The following FOXK1 variants were observed in gnomAD, a reference collection of about 807,000 sequenced individuals.
FOXK1 encodes the protein forkhead box protein K1.
Under a neutral mutation model 51.9 loss-of-function variants are expected in FOXK1, and 19 were observed. The observed-to-expected ratio is 0.37, with a 90% CI of 0.26 to 0.54. The LOEUF (loss-of-function observed/expected upper bound fraction) is 0.54, where lower values mean the gene tolerates loss of function less well. FOXK1 is among the 20% of genes least tolerant of loss of function. The pLI is 0.87. For missense variants in FOXK1, 870 were observed against 1,032.7 expected, an observed-to-expected ratio of 0.84 and a Z score of 2.16; for synonymous variants, 537 against 482.6, an observed-to-expected ratio of 1.11 and a Z score of -1.48.
chr7:4,752,838 G>A (rs923618165), intron 2 of FOXK1, among the ~76,000 whole-genome samples: 2 of 152,238 alleles, frequency 1.3e-5, no homozygotes, highest in Non-Finnish European at 2.9e-5. Context: ...GCCTCAGCAG[G>A]GAGGTGTTTG....
chr7:4,716,530 C>G (rs932381095), intron 1 of FOXK1, among the ~76,000 whole-genome samples: 1 of 152,138 alleles, frequency 6.6e-6, no homozygotes, highest in Non-Finnish European at 1.5e-5. Context: ...AAAAGAAATA[C>G]AAACCAGCAG....
chr7:4,760,993 C>A, intron 7 of FOXK1, 71 bp from the exon 8 acceptor site: 1 of 1,458,374 alleles, frequency 6.9e-7, no homozygotes, highest in Non-Finnish European at 9.5e-7. Flanking sequence ...GTCCGACCTG[C>A]TGCCCAGGCG....
chr7:4,769,352 C>G lies in FOXK1; in HGVS notation c.*6888C>G, dbSNP rs897005270. ...CCATCCCGCTTCAGGCCCCAGTGAC[C>G]CAGTTGCGTCTTAAGTTCCATCGTC... is the stretch of plus-strand genomic sequence containing the variant. On this transcript the variant is annotated 3_prime_UTR_variant, in exon 9 of 9. Transcript: ENST00000328914. The surrounding 1 kb of genome is among the most constrained non-coding windows in gnomAD (Gnocchi z 4.1). 1 of 152,218 alleles carries G rather than the reference C, an allele frequency of 6.6e-6. No individual in the cohort carries two copies. The highest frequency in any genetic ancestry group is 2.4e-5 in the African/African-American group (1 of 41,444). The allele number at this position is 152,218 out of a possible 1,614,324, so 9.4% of individuals were successfully genotyped here.
In FOXK1 at chr7:4,754,569, C is replaced by G; in HGVS notation, c.857C>G (p.Ala286Gly). The change falls in exon 3 of 9, where the codon GCC becomes GGC. Residue 286 changes from alanine to glycine, a missense_variant. Transcript: ENST00000328914. ...CTGGCAGCAGAGTTTGCAGCAAAGGCCGCGTCGGAGCAGCAGGCAGACACG... is the reference window on the plus strand; with the variant it reads ...CTGGCAGCAGAGTTTGCAGCAAAGGGCGCGTCGGAGCAGCAGGCAGACACG... The part of the protein sequence containing the change: ...LQLAAEFAAK[A>G]ASEQQADTSG... The G allele has an allele frequency of 6.2e-7, 1 of 1,609,192 alleles. No homozygotes were observed. The highest frequency in any genetic ancestry group is 8.5e-7 in the Non-Finnish European group (1 of 1,180,020).
At chr7:4,689,502 T>C (rs1779866210) in intron 1 of FOXK1, among the ~76,000 whole-genome samples, 1 of 152,190 alleles carries the variant, frequency 6.6e-6, no homozygotes, top group African/African-American at 2.4e-5. Flanking sequence ...TTCATGAGCA[T>C]GACAATTGGG....
At chr7:4,697,868 A>G (rs1779973674) in intron 1 of FOXK1, among the ~76,000 whole-genome samples, 1 of 151,646 alleles carries the variant, frequency 6.6e-6, no homozygotes, top group Admixed American at 6.6e-5. Context: ...TCTGTCATCC[A>G]GACTGGAGTG....
intron 2 of FOXK1, among the ~76,000 whole-genome samples, chr7:4,744,556 A>T (rs1780676610): frequency 6.6e-6 from 1 of 152,256 alleles, no homozygotes; most frequent in Non-Finnish European, 1.5e-5. Flanking sequence ...CTCCAGCTCC[A>T]TCGCGTTGCT....
intron 1 of FOXK1, among the ~76,000 whole-genome samples, chr7:4,685,772 G>A (rs189467129): frequency 6.6e-6 from 1 of 151,886 alleles, no homozygotes; most frequent in Admixed American, 6.6e-5. Context: ...GCAAAACCCT[G>A]TCTCTACTAA....
At chr7:4,697,527 G>A (rs967509090) in intron 1 of FOXK1, among the ~76,000 whole-genome samples, 1 of 152,148 alleles carries the variant, frequency 6.6e-6, no homozygotes, top group African/African-American at 2.4e-5. Context: ...TTTCCTTCTG[G>A]CCATGCCTGG....
intron 1 of FOXK1, among the ~76,000 whole-genome samples, chr7:4,725,020 G>A (rs1040368098): frequency 6.6e-6 from 1 of 152,240 alleles, no homozygotes; most frequent in Admixed American, 6.5e-5. Context: ...TCCTAACCCT[G>A]CCTGCTGCCC....
chr7:4,757,634 C>CAAAAA lies in FOXK1; in HGVS notation c.1244+473_1244+477dup, dbSNP rs59200954. Among the ~76,000 whole-genome samples, 95 of 20,158 alleles carry CAAAAA rather than the reference C, an allele frequency of 4.7e-3. 2 individuals are homozygous for CAAAAA. Among genetic ancestry groups the CAAAAA allele is most frequent in the East Asian group, 6.5e-3 (2 of 310 alleles). The allele number at this position is 20,158 out of a possible 152,430, so 13.2% of individuals were successfully genotyped here. On this transcript the variant is annotated intron_variant, in intron 5 of 8. Transcript: ENST00000328914. Reference sequence around the variant, plus strand: ...GGGCGACAAGAGCAAAACTCCGTCTCAAAAAAAAAAAAAAAAAAAAAAAAA... The same window carrying CAAAAA: ...GGGCGACAAGAGCAAAACTCCGTCTCAAAAAAAAAAAAAAAAAAAAAAAAAAAAAA...
intron 1 of FOXK1, among the ~76,000 whole-genome samples, chr7:4,719,312 A>G (rs1161885928): frequency 6.6e-6 from 1 of 151,774 alleles, no homozygotes; most frequent in African/African-American, 2.4e-5. Context: ...TTTTAAAAAA[A>G]GATTCTTTTA....
intron 1 of FOXK1, among the ~76,000 whole-genome samples, chr7:4,713,542 A>G (rs1163452046): frequency 1.3e-5 from 2 of 148,646 alleles, no homozygotes; most frequent in Non-Finnish European, 3.0e-5. Context: ...GCCAGGCTGG[A>G]GTGCAGTGGC....
At position 4,706,148 on chromosome 7, in the gene FOXK1, C is replaced by G. The variant is rs75712992; in HGVS notation, c.560+23280C>G. Among the ~76,000 whole-genome samples, 246 of 151,708 alleles carry G rather than the reference C, an allele frequency of 1.6e-3. 4 individuals carry two copies. In the East Asian group the frequency reaches 0.016, roughly 10 times the overall value. On this transcript the variant is annotated intron_variant, in intron 1 of 8. Transcript: ENST00000328914. ...AGCAGGAGAAAAGCCACATAGAACTCTCCACAAAGGTAACAGCGAACGTCA... is the reference window on the plus strand; with the variant it reads ...AGCAGGAGAAAAGCCACATAGAACTGTCCACAAAGGTAACAGCGAACGTCA...
In FOXK1 at chr7:4,696,108, T is replaced by C. The variant is rs373173801; in HGVS notation, c.560+13240T>C. Among the ~76,000 whole-genome samples the C allele has an allele frequency of 5.8e-5, 8 of 138,380 alleles. 1 individual carries two copies. Among genetic ancestry groups the C allele is most frequent in the African/African-American group, 2.0e-4 (7 of 34,238 alleles). The allele number at this position is 138,380 out of a possible 152,430, so 90.8% of individuals were successfully genotyped here. ...TCCAGCCTGGGCGACAGAGCAAGAC[T>C]GTGTCTCAAAAAAAAAAAAAAAAAA... On this transcript the variant is annotated intron_variant, in intron 1 of 8. Coordinates refer to ENST00000328914, the MANE Select transcript of FOXK1 (RefSeq NM_001037165.2).
chr7:4,698,675 C>G (rs1779982557), intron 1 of FOXK1, among the ~76,000 whole-genome samples: 1 of 152,074 alleles, frequency 6.6e-6, no homozygotes, highest in South Asian at 2.1e-4. Context: ...ACCTCAGCCT[C>G]CTGAGTGGCT....
chr7:4,750,212 C>A lies in FOXK1; in HGVS notation c.747-4247C>A, dbSNP rs544009173. Among the ~76,000 whole-genome samples, 3 of 152,310 alleles carry A rather than the reference C, an allele frequency of 2.0e-5. No individual in the cohort carries two copies. In the South Asian group the frequency reaches 6.2e-4, roughly 32 times the overall value. On this transcript the variant is annotated intron_variant, in intron 2 of 8. Transcript: ENST00000328914. ...TCGGGGGGCACAGGCGTTTGATTCC[C>A]GCGACGTCTGTGGGCTGTCACTGTC...
chr7:4,690,241 G>A (rs561870976), intron 1 of FOXK1, among the ~76,000 whole-genome samples: 2 of 152,356 alleles, frequency 1.3e-5, no homozygotes, highest in South Asian at 4.1e-4. Flanking sequence ...CGGAGCTGGG[G>A]AGAACAATCA....
At position 4,743,879 on chromosome 7, in the gene FOXK1, CTTT is replaced by C. The variant is rs34815763; in HGVS notation, c.746+2869_746+2871del. 1.5e-5 allele frequency among the ~76,000 whole-genome samples: 2 copies of C among 136,854 alleles called. No individual in the cohort carries two copies. The highest frequency in any genetic ancestry group is 1.6e-5 in the Non-Finnish European group (1 of 61,296). 89.8% of individuals were successfully genotyped at this position (136,854 alleles called of 152,430 possible). On this transcript the variant is annotated intron_variant, in intron 2 of 8. Coordinates refer to ENST00000328914, the MANE Select transcript of FOXK1 (RefSeq NM_001037165.2). This position sits in a 1 kb window ranked among gnomAD's most constrained non-coding sequence, Gnocchi z 5.3. ...AGGTTGTAATCCAGCTAAACAGAAG[CTTT>C]TTTTTTTTTTTTGAGACGGAGTCTT...
Sources: gnomAD v4.1 joint callset for allele counts (sites outside exome capture counted in the v4.1 genomes callset) on GRCh38, gnomAD v4.1.1 for gene constraint, Gnocchi (gnomAD v3.1) non-coding constraint, MANE v1.5 for transcripts, NCBI Gene and HGNC (gene_info 2026-07-23, HGNC 2026-07-21) for gene names.